The following SPIDR variants were observed in gnomAD, a reference collection of about 807,000 sequenced individuals.
SPIDR encodes the protein scaffold protein involved in DNA repair.
Under a neutral mutation model 104.6 loss-of-function variants are expected in SPIDR, and 93 were observed. That is an observed-to-expected ratio of 0.89 (90% CI 0.75 to 1.06). The LOEUF is 1.06. Among genes scored for constraint, SPIDR ranks in the 50% least tolerant of loss-of-function variants. The pLI is 0.00. For missense variants in SPIDR, 1,154 were observed against 1,111.2 expected, an observed-to-expected ratio of 1.04 and a Z score of -0.55; for synonymous variants, 431 against 416.9, an observed-to-expected ratio of 1.03 and a Z score of -0.41.
intron 5 of SPIDR, among the ~76,000 whole-genome samples, chr8:47,390,373 C>T (rs1354834410): frequency 6.6e-6 from 1 of 151,622 alleles, no homozygotes; most frequent in Non-Finnish European, 1.5e-5. Flanking sequence ...TGTCTACCAA[C>T]AGTGAAATAG....
chr8:47,487,653 G>C (rs1048580724), intron 8 of SPIDR, among the ~76,000 whole-genome samples: 10 of 152,200 alleles, frequency 6.6e-5, no homozygotes, highest in Admixed American at 1.3e-4. Flanking sequence ...ATAACAAACT[G>C]TCTCTCAGAC....
chr8:47,592,624 G>A lies in SPIDR; in HGVS notation c.1098-3187G>A, dbSNP rs1361919876. The A allele has an allele frequency of 8.8e-6, 10 of 1,131,150 alleles. No homozygotes were observed. The East Asian group carries it at 1.6e-4, about 19-fold the overall frequency. The allele number at this position is 1,131,150 out of a possible 1,614,324, so 70.1% of individuals were successfully genotyped here. ...GCCCTGCCATCTTATCAGAACCCGAGTTCGGCCTCTGGTCTAGTCTCCGGC... is the reference window on the plus strand; with the variant it reads ...GCCCTGCCATCTTATCAGAACCCGAATTCGGCCTCTGGTCTAGTCTCCGGC... On this transcript the variant is annotated intron_variant, in intron 8 of 19. Coordinates refer to ENST00000297423, the MANE Select transcript of SPIDR (RefSeq NM_001080394.4).
intron 10 of SPIDR, among the ~76,000 whole-genome samples, chr8:47,669,498 G>A (rs1230719440): frequency 6.6e-6 from 1 of 152,206 alleles, no homozygotes; most frequent in Non-Finnish European, 1.5e-5. Context: ...ACCAGGAGAA[G>A]AAGAGTGATA....
chr8:47,529,275 G>A lies in SPIDR; in HGVS notation c.1098-66536G>A, dbSNP rs184737478. 4.7e-4 allele frequency among the ~76,000 whole-genome samples: 72 copies of A among 151,962 alleles called. 1 individual carries two copies. The East Asian group carries it at 0.011, about 24-fold the overall frequency. ...CTACTAAAAATACAAAAAATTAACC[G>A]GGCATGGTGACACGCACCTGTAATC... is the stretch of plus-strand genomic sequence containing the variant. On this transcript the variant is annotated intron_variant, in intron 8 of 19. Coordinates refer to ENST00000297423, the MANE Select transcript of SPIDR (RefSeq NM_001080394.4).
chr8:47,621,258 T>A (rs2065131026), intron 10 of SPIDR, among the ~76,000 whole-genome samples: 2 of 152,210 alleles, frequency 1.3e-5, no homozygotes, highest in Non-Finnish European at 2.9e-5. Context: ...CCCGGCCAAT[T>A]CATATGGGTT....
chr8:47,423,859 A>G (rs914144286), intron 7 of SPIDR, among the ~76,000 whole-genome samples: 4 of 152,188 alleles, frequency 2.6e-5, no homozygotes, highest in African/African-American at 9.7e-5. Flanking sequence ...ATCTTCACGA[A>G]TCATTGTATT....
At position 47,440,426 on chromosome 8, in the gene SPIDR, C is replaced by T. The variant is rs1177664222; in HGVS notation, c.981C>T (p.Ser327=). 8 of 1,614,112 alleles carry T rather than the reference C, an allele frequency of 5.0e-6. No individual in the cohort carries two copies. In the African/African-American group the frequency reaches 9.3e-5, roughly 19 times the overall value. ...AGTTATTGGGGTCACCAGCCACCAG[C>T]TCCTCCCAAAGTGTGGCTCCCAGGC... ...CEQLLGSPAT[S]SSQSVAPRPG... Residue 327 remains serine, a synonymous_variant, in exon 8 of 20, where the codon AGC becomes AGT. Coordinates refer to ENST00000297423, the MANE Select transcript of SPIDR (RefSeq NM_001080394.4).
intron 8 of SPIDR, among the ~76,000 whole-genome samples, chr8:47,454,668 C>T (rs2072606406): frequency 6.6e-6 from 1 of 151,996 alleles, no homozygotes; most frequent in Non-Finnish European, 1.5e-5. Flanking sequence ...AAGAAACTGT[C>T]AACCAAGATT....
intron 5 of SPIDR, among the ~76,000 whole-genome samples, chr8:47,383,357 C>T (rs2059541550): frequency 6.6e-6 from 1 of 152,204 alleles, no homozygotes; most frequent in Non-Finnish European, 1.5e-5. Flanking sequence ...CTGACTCTTT[C>T]TCTGAAGTGT....
intron 10 of SPIDR, among the ~76,000 whole-genome samples, chr8:47,615,104 T>C (rs1209806622): frequency 6.6e-6 from 1 of 151,876 alleles, no homozygotes; most frequent in Non-Finnish European, 1.5e-5. Flanking sequence ...AGGGTCTTGC[T>C]CTGTCACCCA....
intron 11 of SPIDR, among the ~76,000 whole-genome samples, chr8:47,697,492 GC>G (rs1191812593): frequency 6.6e-6 from 1 of 152,096 alleles, no homozygotes; most frequent in African/African-American, 2.4e-5. Context: ...TAAAAACATA[GC>G]ACTGAAAGTC....
chr8:47,508,839 G>A (rs527494615), intron 8 of SPIDR, among the ~76,000 whole-genome samples: 3 of 152,204 alleles, frequency 2.0e-5, no homozygotes, highest in South Asian at 4.1e-4. Flanking sequence ...TGAGAAGTCC[G>A]GTTGTTTCTT....
chr8:47,490,140 TCAAA>T (rs1371832944), intron 8 of SPIDR, among the ~76,000 whole-genome samples: 1 of 152,040 alleles, frequency 6.6e-6, no homozygotes, highest in African/African-American at 2.4e-5. Context: ...TACAAAGAAC[TCAAA>T]CAAATTTACA....
chr8:47,502,343 T>A (rs1263172842), intron 8 of SPIDR, among the ~76,000 whole-genome samples: 5 of 152,238 alleles, frequency 3.3e-5, no homozygotes, highest in Non-Finnish European at 7.3e-5. Flanking sequence ...ATTCAGAGAT[T>A]CAACTTCTTC....
At chr8:47,475,921 T>C (rs1331132313) in intron 8 of SPIDR, among the ~76,000 whole-genome samples, 1 of 152,228 alleles carries the variant, frequency 6.6e-6, no homozygotes, top group Non-Finnish European at 1.5e-5. Flanking sequence ...TGGTTATTGG[T>C]TTCTTTTTAA....
chr8:47,618,898 T>C (rs1341308762), intron 10 of SPIDR, among the ~76,000 whole-genome samples: 3 of 152,148 alleles, frequency 2.0e-5, no homozygotes, highest in Non-Finnish European at 4.4e-5. Context: ...ATGAACAAGG[T>C]CCAAAACAAG....
chr8:47,408,109 CTATA>C (rs2063000487), intron 7 of SPIDR, 148 bp downstream of exon 7: 3 of 429,500 alleles, frequency 7.0e-6, no homozygotes, highest in Non-Finnish European at 1.2e-5. Flanking sequence ...CATATAAAAA[CTATA>C]TATAGTAAAT....
intron 5 of SPIDR, among the ~76,000 whole-genome samples, chr8:47,365,462 A>C (rs2057012538): frequency 6.6e-6 from 1 of 152,184 alleles, no homozygotes; most frequent in South Asian, 2.1e-4. Context: ...CAACATGGGA[A>C]GGTTTCTTTT....
intron 8 of SPIDR, among the ~76,000 whole-genome samples, chr8:47,508,413 G>A (rs187422449): frequency 2.6e-5 from 4 of 152,130 alleles, no homozygotes; most frequent in Non-Finnish European, 5.9e-5. Context: ...CCTTGATAAA[G>A]TTTGGTATAA....
Sources: allele counts gnomAD v4.1 joint callset (sites outside exome capture counted in the v4.1 genomes callset), GRCh38; gene constraint gnomAD v4.1.1; transcripts MANE v1.5; gene names NCBI Gene and HGNC (gene_info 2026-07-23, HGNC 2026-07-21).